The following RBMS3 variants were observed in gnomAD, a reference collection of about 807,000 sequenced individuals.
The protein encoded by RBMS3 is RNA binding motif single stranded interacting protein 3.
Under a neutral mutation model 66.8 loss-of-function variants are expected in RBMS3, and 27 were observed. That is an observed-to-expected ratio of 0.40 (90% confidence interval 0.30 to 0.56). The LOEUF (loss-of-function observed/expected upper bound fraction) is 0.56. RBMS3 is among the 20% of genes least tolerant of loss of function. The pLI, the probability that RBMS3 is intolerant of heterozygous loss-of-function variation, is 0.40. For missense variants in RBMS3, 513 were observed against 549.5 expected, an observed-to-expected ratio of 0.93 and a Z score of 0.66; for synonymous variants, 188 against 183.0, an observed-to-expected ratio of 1.03 and a Z score of -0.22.
At chr3:29,539,005 T>C (rs1019510400) in intron 3 of RBMS3, among the ~76,000 whole-genome samples, 3 of 152,172 alleles carry the variant, frequency 2.0e-5, no homozygotes. Context: ...TTATTTTCCC[T>C]TCTTGTCACT....
At chr3:29,326,771 G>A (rs189037889) in intron 1 of RBMS3, among the ~76,000 whole-genome samples, 3 of 147,250 alleles carry the variant, frequency 2.0e-5, no homozygotes, top group Admixed American at 6.9e-5. Context: ...TCGCTGTGTC[G>A]CCAGGCTGGA....
intron 2 of RBMS3, among the ~76,000 whole-genome samples, chr3:29,443,162 T>C (rs1338061157): frequency 2.0e-5 from 3 of 152,082 alleles, no homozygotes; most frequent in East Asian, 1.9e-4. Context: ...CTATTCTCTA[T>C]GTGAATAGTG....
chr3:29,814,959 GA>G (rs1559700097), intron 6 of RBMS3, among the ~76,000 whole-genome samples: 1 of 152,054 alleles, frequency 6.6e-6, no homozygotes, highest in African/African-American at 2.4e-5. Flanking sequence ...GTGTTTCCTT[GA>G]AAAATCTAAG....
At chr3:29,673,309 T>A (rs1450815413) in intron 4 of RBMS3, among the ~76,000 whole-genome samples, 1 of 151,926 alleles carries the variant, frequency 6.6e-6, no homozygotes, top group Admixed American at 6.6e-5. Flanking sequence ...AGATCTAAAA[T>A]CAACACCCTA....
At chr3:29,367,356 A>G (rs1291249214) in intron 1 of RBMS3, among the ~76,000 whole-genome samples, 1 of 152,134 alleles carries the variant, frequency 6.6e-6, no homozygotes, top group East Asian at 1.9e-4. Flanking sequence ...GGGATATATT[A>G]AGAAAGCAAC....
At chr3:29,971,368 C>CTTGTTTGTTTGT (rs150403023) in intron 12 of RBMS3, among the ~76,000 whole-genome samples, 1 of 151,614 alleles carries the variant, frequency 6.6e-6, no homozygotes, top group African/African-American at 2.4e-5. Flanking sequence ...TCCTAATACA[C>CTTGTTTGTTTGT]TTGTTTGTTT....
At chr3:29,435,972 T>C (rs1270735028) in intron 2 of RBMS3, among the ~76,000 whole-genome samples, 1 of 58,576 alleles carries the variant, frequency 1.7e-5, no homozygotes, top group African/African-American at 6.6e-5. Flanking sequence ...AGACTCCGTC[T>C]CAAAAAAAAA....
chr3:29,408,563 A>G (rs2040127679), intron 1 of RBMS3, among the ~76,000 whole-genome samples: 1 of 152,048 alleles, frequency 6.6e-6, no homozygotes, highest in Non-Finnish European at 1.5e-5. Context: ...TCTTTAAATT[A>G]CCCTGTACTT....
At chr3:29,801,515 G>A (rs1019840206) in intron 6 of RBMS3, among the ~76,000 whole-genome samples, 7 of 150,126 alleles carry the variant, frequency 4.7e-5, no homozygotes, top group Admixed American at 1.3e-4. Context: ...TGATCTGCCC[G>A]CCTCGGCCTC....
chr3:29,356,536 C>A (rs1460850856), intron 1 of RBMS3, among the ~76,000 whole-genome samples: 1 of 152,082 alleles, frequency 6.6e-6, no homozygotes, highest in Non-Finnish European at 1.5e-5. Context: ...TAGTGACTTT[C>A]ATTCTATTAA....
chr3:29,446,906 CTTTTTTTTTTT>C (rs11293530), intron 2 of RBMS3, among the ~76,000 whole-genome samples: 2 of 68,582 alleles, frequency 2.9e-5, no homozygotes, highest in Admixed American at 2.2e-4. Context: ...ATTAAGCAGT[CTTTTTTTTTTT>C]TTTTTTTTTT....
intron 1 of RBMS3, among the ~76,000 whole-genome samples, chr3:29,367,485 TG>T (rs1260137322): frequency 2.0e-5 from 3 of 152,130 alleles, no homozygotes; most frequent in African/African-American, 7.2e-5. Context: ...TAATCACAGA[TG>T]TTTTTAATAC....
chr3:29,635,579 T>C (rs958357975), intron 4 of RBMS3, among the ~76,000 whole-genome samples: 4 of 151,858 alleles, frequency 2.6e-5, no homozygotes, highest in African/African-American at 4.8e-5. Flanking sequence ...CAGTTTCTGC[T>C]GCCTTCTATC....
At chr3:29,819,198 T>TTCC (rs557702319) in intron 6 of RBMS3, among the ~76,000 whole-genome samples, 398 of 152,328 alleles carry the variant, frequency 2.6e-3, no homozygotes, top group African/African-American at 9.1e-3. Flanking sequence ...TGCAGGTTGT[T>TTCC]ATTTCATTCC....
At chr3:29,669,698 G>A (rs1439341209) in intron 4 of RBMS3, among the ~76,000 whole-genome samples, 1 of 152,162 alleles carries the variant, frequency 6.6e-6, no homozygotes, top group Non-Finnish European at 1.5e-5. Flanking sequence ...CTTCACATGA[G>A]TGTACATTCT....
At chr3:29,937,531 A>T (rs1175104058) in intron 11 of RBMS3, among the ~76,000 whole-genome samples, 3 of 151,998 alleles carry the variant, frequency 2.0e-5, no homozygotes, top group Non-Finnish European at 4.4e-5. Context: ...GGAAAGAGCC[A>T]CATTCTTTCA....
At chr3:29,974,940 A>C (rs1577293499) in intron 12 of RBMS3, among the ~76,000 whole-genome samples, 4 of 141,922 alleles carry the variant, frequency 2.8e-5, no homozygotes, top group Non-Finnish European at 1.5e-5. Flanking sequence ...TTCTATATTT[A>C]TATATTTTAT....
intron 1 of RBMS3, among the ~76,000 whole-genome samples, chr3:29,357,087 T>C (rs1353830026): frequency 6.6e-6 from 1 of 152,176 alleles, no homozygotes; most frequent in African/African-American, 2.4e-5. Flanking sequence ...CTAGGGTACA[T>C]GTGCACAACG....
At chr3:29,872,595 A>G (rs777903956) in intron 7 of RBMS3, among the ~76,000 whole-genome samples, 23 of 152,266 alleles carry the variant, frequency 1.5e-4, no homozygotes, top group Middle Eastern at 3.4e-3. Flanking sequence ...ACTTCCATAT[A>G]CTAGAAGGAC....
Sources: gnomAD v4.1 joint callset for allele counts (sites outside exome capture counted in the v4.1 genomes callset) on GRCh38, gnomAD v4.1.1 for gene constraint, MANE v1.5 for transcripts, NCBI Gene and HGNC (gene_info 2026-07-23, HGNC 2026-07-21) for gene names.